The following RB1 variants were observed in gnomAD, a reference collection of about 807,000 sequenced individuals.
RB1 encodes the protein RB transcriptional corepressor 1, also known as retinoblastoma-associated protein.
Under a neutral mutation model 135.4 loss-of-function variants are expected in RB1, and 18 were observed. The ratio of observed to expected loss-of-function variants is 0.13; its 90% CI spans 0.09 to 0.20. The LOEUF is 0.20. RB1 is among the 10% of genes least tolerant of loss of function. The probability of loss-of-function intolerance (pLI) is 1.00; values close to 1 mark genes in which losing one functional copy is unlikely to be tolerated. For synonymous variants in RB1, 365 were observed against 373.2 expected, an observed-to-expected ratio of 0.98 and a Z score of 0.25; for missense variants, 868 against 1,110.0, an observed-to-expected ratio of 0.78 and a Z score of 3.10.
intron 4 of RB1, 87 bp downstream of exon 4, chr13:48,345,286 G>C: frequency 7.1e-7 from 1 of 1,411,362 alleles, no homozygotes; most frequent in Non-Finnish European, 9.9e-7. Flanking sequence ...AACACATTTA[G>C]TAAAGTTAGT....
chr13:48,311,367 G>A (rs754021743), intron 2 of RB1, among the ~76,000 whole-genome samples: 1 of 152,204 alleles, frequency 6.6e-6, no homozygotes, highest in Non-Finnish European at 1.5e-5. Context: ...ACACATCTGA[G>A]AAATGCATCA....
intron 17 of RB1, among the ~76,000 whole-genome samples, chr13:48,386,636 C>T (rs1310305354): frequency 6.6e-6 from 1 of 152,110 alleles, no homozygotes; most frequent in East Asian, 1.9e-4. Flanking sequence ...AAGAAAACAA[C>T]TGACAGTAAA....
intron 2 of RB1, among the ~76,000 whole-genome samples, chr13:48,320,692 G>A (rs1340946306): frequency 6.6e-6 from 1 of 152,118 alleles, no homozygotes; most frequent in Non-Finnish European, 1.5e-5. Flanking sequence ...TTAGCCGGGC[G>A]TGGTGGTGTG....
chr13:48,375,576 T>TTA (rs755028128), intron 12 of RB1, among the ~76,000 whole-genome samples: 1,677 of 149,880 alleles, frequency 0.011, 37 homozygotes, highest in African/African-American at 0.038. Flanking sequence ...TTATTTTTAT[T>TTA]TATATATATA....
intron 2 of RB1, chr13:48,328,618 G>T: frequency 1.7e-6 from 1 of 598,952 alleles, no homozygotes; most frequent in Non-Finnish European, 3.0e-6. Context: ...TACAAGTTGG[G>T]ATATAAATAA....
intron 17 of RB1, among the ~76,000 whole-genome samples, chr13:48,391,876 T>C (rs984386786): frequency 1.3e-5 from 2 of 151,958 alleles, no homozygotes; most frequent in Non-Finnish European, 2.9e-5. Flanking sequence ...CTCGGCCTCC[T>C]CCCAAAGGGC....
In RB1 at chr13:48,431,611, CAT is replaced by C. The variant is rs1949130340; in HGVS notation, c.1696-21381_1696-21380del. Among the ~76,000 whole-genome samples the C allele has an allele frequency of 3.9e-5, 6 of 152,226 alleles. No homozygotes were observed. In the South Asian group the frequency reaches 1.2e-3, roughly 32 times the overall value. ...TGCTTGCTTTAATCAACTGTTTTCA[CAT>C]GTTTGGAAAATTTGAGGGTTTCCTG... is the stretch of plus-strand genomic sequence containing the variant. On this transcript the variant is annotated intron_variant, in intron 17 of 26. Coordinates refer to ENST00000267163, the MANE Select transcript of RB1 (RefSeq NM_000321.3).
chr13:48,477,547 T>A, intron 26 of RB1, 143 bp downstream of exon 26: 1 of 716,148 alleles, frequency 1.4e-6, no homozygotes, highest in Non-Finnish European at 2.4e-6. Flanking sequence ...TCAAGGTTAT[T>A]TATCTACAAA....
At chr13:48,363,875 C>G (rs916306402) in intron 8 of RB1, among the ~76,000 whole-genome samples, 3 of 152,120 alleles carry the variant, frequency 2.0e-5, no homozygotes, top group African/African-American at 7.2e-5. Context: ...TTTGGGATAT[C>G]TGGTACTATT....
Position 48,381,348 on chromosome 13 carries a change from A to G in RB1, c.1600A>G (p.Ser534Gly). 2 of 1,611,750 alleles carry G rather than the reference A, an allele frequency of 1.2e-6. No homozygotes were observed. Among genetic ancestry groups the G allele is most frequent in the Non-Finnish European group, 1.7e-6 (2 of 1,178,968 alleles). The change falls in exon 17 of 27, where the codon AGT becomes GGT. Residue 534 changes from serine to glycine, a missense_variant. This residue lies in a region of RB1 where 641 missense variants were observed against 791.3 expected (regional missense o/e 0.81). Transcript: ENST00000267163. Reference sequence around the variant, plus strand: ...CTTTGATTTTTACAAAGTGATCGAAAGTTTTATCAAAGCAGAAGGCAACTT... The same window carrying G: ...CTTTGATTTTTACAAAGTGATCGAAGGTTTTATCAAAGCAGAAGGCAACTT... ...KAFDFYKVIESFIKAEGNLTR... is the reference protein window; with the variant it reads ...KAFDFYKVIEGFIKAEGNLTR...
intron 17 of RB1, chr13:48,439,875 A>G (rs1187432805): frequency 6.6e-6 from 1 of 152,184 alleles, no homozygotes; most frequent in Non-Finnish European, 1.5e-5. Context: ...ATATTAAGTC[A>G]CTTTTCAGAA....
rs763705855 is a variant in RB1 at position 48,456,228 on chromosome 13, A to G, written c.1839A>G (p.Pro613=). The change falls in exon 19 of 27, where the codon CCA becomes CCG. Residue 613 remains proline (P), a synonymous_variant. Transcript: ENST00000267163. The part of the protein sequence containing the change: ...ADMYLSPVRS[P]KKKGSTTRVN... ...GGTATCTTTCTCCTGTAAGATCTCC[A>G]AAGAAAAAAGGTTCAACTACGCGTG... 2 of 1,614,206 alleles carry G rather than the reference A, an allele frequency of 1.2e-6. No homozygotes were observed. Among genetic ancestry groups the G allele is most frequent in the South Asian group, 1.1e-5 (1 of 91,086 alleles).
At chr13:48,313,170 CCTTT>C (rs772897004) in intron 2 of RB1, among the ~76,000 whole-genome samples, 10 of 152,092 alleles carry the variant, frequency 6.6e-5, no homozygotes, top group Non-Finnish European at 1.0e-4. Context: ...TGCGATCTCC[CCTTT>C]TTTTGGAATA....
intron 3 of RB1, among the ~76,000 whole-genome samples, chr13:48,344,625 G>A (rs1344372193): frequency 6.6e-6 from 1 of 152,164 alleles, no homozygotes; most frequent in Non-Finnish European, 1.5e-5. Flanking sequence ...TTTGGAGATA[G>A]AAAATGGTTA....
chr13:48,453,131 T>C lies in RB1; in HGVS notation c.1814+20T>C. The C allele has an allele frequency of 6.2e-7, 1 of 1,601,034 alleles. No homozygotes were observed. Among genetic ancestry groups the C allele is most frequent in the South Asian group, 1.1e-5 (1 of 90,908 alleles). On this transcript the variant is annotated intron_variant, in intron 18 of 26. Coordinates refer to ENST00000267163, the MANE Select transcript of RB1 (RefSeq NM_000321.3). ...AGATATGTAAGCAAAATATATGTTA[T>C]GTTGACCATTCAAACTGCAAATAGA...
intron 2 of RB1, among the ~76,000 whole-genome samples, chr13:48,311,614 C>T (rs1952131242): frequency 6.6e-6 from 1 of 152,166 alleles, no homozygotes; most frequent in Non-Finnish European, 1.5e-5. Flanking sequence ...GATTTTCTTT[C>T]TATGTGTTTT....
chr13:48,330,908 A>G lies in RB1; in HGVS notation c.265-11691A>G, dbSNP rs541399788. ...TATGTGCAAAAATTGTCAACAAAAT[A>G]TTAGCAACAGCACATTAAAGGGATC... is the stretch of plus-strand genomic sequence containing the variant. On this transcript the variant is annotated intron_variant, in intron 2 of 26. Coordinates refer to ENST00000267163, the MANE Select transcript of RB1 (RefSeq NM_000321.3). Among the ~76,000 whole-genome samples the G allele has an allele frequency of 3.4e-4, 52 of 151,568 alleles. 1 individual carries two copies. The highest frequency in any genetic ancestry group is 2.1e-3 in the South Asian group (10 of 4,828).
chr13:48,439,932 TAAG>T (rs1949220287), intron 17 of RB1: 1 of 152,110 alleles, frequency 6.6e-6, no homozygotes, highest in East Asian at 1.9e-4. Context: ...TTATACTTCT[TAAG>T]GAGGTGGTGG....
chr13:48,376,185 A>T (rs923624928), intron 12 of RB1, among the ~76,000 whole-genome samples: 30 of 152,022 alleles, frequency 2.0e-4, no homozygotes, highest in Admixed American at 8.5e-4. Flanking sequence ...CTAATTCATA[A>T]CTCTTTCAAA....
Sources: allele counts gnomAD v4.1 joint callset (sites outside exome capture counted in the v4.1 genomes callset), GRCh38; gene constraint gnomAD v4.1.1; regional missense constraint gnomAD v4.1.1; transcripts MANE v1.5; gene names NCBI Gene and HGNC (gene_info 2026-07-23, HGNC 2026-07-21).